Variants in AFF1 observed in about 807,000 individuals in gnomAD.
AFF1 encodes ALF transcription elongation factor 1.
A neutral mutation model predicts 121.7 loss-of-function variants in AFF1; 48 were observed. That is an observed-to-expected ratio of 0.39 (90% CI 0.31 to 0.50). The LOEUF is 0.50. Among genes scored for constraint, AFF1 ranks in the 20% least tolerant of loss-of-function variants. The probability of loss-of-function intolerance (pLI) is 0.76; values close to 1 mark genes in which losing one functional copy is unlikely to be tolerated. For synonymous variants in AFF1, 613 were observed against 563.0 expected (o/e 1.09, Z -1.26); for missense variants, 1,523 against 1,511.7 (o/e 1.01, Z -0.12).
chr4:87,016,566 A>AT, intron 2 of AFF1, among the ~76,000 whole-genome samples: 1 of 151,668 alleles, frequency 6.6e-6, no homozygotes, highest in South Asian at 2.1e-4. Context: ...AAAAAAAAAA[A>AT]GTGATTTTAT....
Position 87,020,707 on chromosome 4 carries a change from G to C in AFF1, c.39-25459G>C, listed in dbSNP as rs377695793. 3.8e-5 allele frequency: 27 copies of C among 714,194 alleles called. No homozygotes were observed. In the East Asian group the frequency reaches 9.3e-4, roughly 25 times the overall value. The allele number at this position is 714,194 out of a possible 1,614,324, so 44.2% of individuals were successfully genotyped here. On this transcript the variant is annotated intron_variant, in intron 2 of 20. Transcript: ENST00000395146. ...CACTGTGTTAGCCAGGATGTTCTCA[G>C]TCTCCTGACCTCATGATCCGCCTGC...
chr4:87,002,495 G>A lies in AFF1; in HGVS notation c.39-43671G>A, dbSNP rs1012334352. On this transcript the variant is annotated intron_variant, in intron 2 of 20. Coordinates refer to ENST00000395146, the MANE Select transcript of AFF1 (RefSeq NM_001166693.3). ...TGCCCAGGCTGGAGTGCAGTGGTGC[G>A]ATCTCGGCTCACTGCAGTCTCTGCC... Among the ~76,000 whole-genome samples, 29 of 141,268 alleles carry A rather than the reference G, an allele frequency of 2.1e-4. No homozygotes were observed. In the Admixed American group the frequency reaches 2.1e-3, roughly 10 times the overall value. The allele number at this position is 141,268 out of a possible 152,430, so 92.7% of individuals were successfully genotyped here.
intron 2 of AFF1, among the ~76,000 whole-genome samples, chr4:86,991,424 G>T (rs1031694293): frequency 6.9e-6 from 1 of 145,372 alleles, no homozygotes; most frequent in African/African-American, 2.5e-5. Flanking sequence ...CAGCCTGGGC[G>T]ACAGAGTGAG....
chr4:87,061,708 CTGTT>C (rs1720806355), intron 4 of AFF1, among the ~76,000 whole-genome samples: 1 of 152,174 alleles, frequency 6.6e-6, no homozygotes, highest in Non-Finnish European at 1.5e-5. Context: ...ATCCCTGTAA[CTGTT>C]AATGTTCTCT....
At chr4:87,008,293 T>A in intron 2 of AFF1, among the ~76,000 whole-genome samples, 1 of 152,302 alleles carries the variant, frequency 6.6e-6, no homozygotes, top group Non-Finnish European at 1.5e-5. Flanking sequence ...AACAGTGATT[T>A]TGGGAGGTCT....
At position 87,046,226 on chromosome 4, in the gene AFF1, A is replaced by G. The variant is rs1350858576; in HGVS notation, c.99A>G (p.Glu33=). Residue 33 remains glutamate (E), a synonymous_variant, in exon 3 of 21, where the codon GAA becomes GAG. Transcript: ENST00000395146. ...RIREKERRNQ[E]AHQEKEAFPE... ...GAGAGAAGGAAAGACGCAACCAGGAAGCCCACCAAGAGAAAGAGGCATTTC... is the reference window on the plus strand; with the variant it reads ...GAGAGAAGGAAAGACGCAACCAGGAGGCCCACCAAGAGAAAGAGGCATTTC... The G allele has an allele frequency of 6.2e-7, 1 of 1,614,100 alleles. No individual in the cohort carries two copies. The highest frequency in any genetic ancestry group is 2.2e-5 in the East Asian group (1 of 44,880).
At chr4:87,116,058 A>G (rs984376952) in intron 12 of AFF1, among the ~76,000 whole-genome samples, 2 of 152,194 alleles carry the variant, frequency 1.3e-5, no homozygotes, top group African/African-American at 2.4e-5. Flanking sequence ...TTTTACTCTC[A>G]TAGTAGGATC....
chr4:86,963,629 T>A (rs1290890932), intron 2 of AFF1, among the ~76,000 whole-genome samples: 1 of 152,188 alleles, frequency 6.6e-6, no homozygotes, highest in African/African-American at 2.4e-5. Context: ...GGCAGATAGT[T>A]CCATTTGAAG....
At chr4:87,099,077 A>G (rs915825602) in intron 8 of AFF1, among the ~76,000 whole-genome samples, 6 of 152,370 alleles carry the variant, frequency 3.9e-5, no homozygotes, top group Non-Finnish European at 5.9e-5. Flanking sequence ...TACTTGTAGC[A>G]TATTTAAATC....
At chr4:86,967,359 G>A (rs1722608377) in intron 2 of AFF1, among the ~76,000 whole-genome samples, 1 of 152,194 alleles carries the variant, frequency 6.6e-6, no homozygotes, top group Non-Finnish European at 1.5e-5. Flanking sequence ...GCCCTTTTGA[G>A]GAACTGAATG....
intron 1 of AFF1, among the ~76,000 whole-genome samples, chr4:86,943,595 C>G (rs769369854): frequency 1.3e-5 from 2 of 152,098 alleles, no homozygotes; most frequent in African/African-American, 4.8e-5. Flanking sequence ...TGGGCTCAGT[C>G]GCTCACACCT....
intron 18 of AFF1, 74 bp from the exon 19 acceptor site, chr4:87,132,197 C>A: frequency 6.5e-7 from 1 of 1,548,542 alleles, no homozygotes; most frequent in Non-Finnish European, 8.7e-7. Flanking sequence ...GTTCATTAGG[C>A]TATAAAAGGT....
chr4:87,084,775 C>T (rs970209664), intron 5 of AFF1, among the ~76,000 whole-genome samples: 1 of 152,074 alleles, frequency 6.6e-6, no homozygotes, highest in Non-Finnish European at 1.5e-5. Flanking sequence ...GACATTTGGA[C>T]CAGATTTTTA....
rs186420813 is a variant in AFF1 at position 87,015,025 on chromosome 4, A to G, written c.39-31141A>G. ...GCTTTGATAAAAGTTTGAGTCCATG[A>G]TATTATGGTTTAAGAAAATTTTTCC... On this transcript the variant is annotated intron_variant, in intron 2 of 20. Transcript: ENST00000395146. Among the ~76,000 whole-genome samples the G allele has an allele frequency of 2.4e-3, 367 of 152,304 alleles. 1 individual carries two copies. The highest frequency in any genetic ancestry group is 4.4e-3 in the Non-Finnish European group (298 of 68,032).
chr4:86,950,838 G>A (rs114509803), intron 2 of AFF1, among the ~76,000 whole-genome samples: 271 of 152,288 alleles, frequency 1.8e-3, no homozygotes, highest in African/African-American at 6.2e-3. Context: ...TTACACATAC[G>A]TTTTACATTT....
At chr4:87,129,224 T>C (rs576608549) in intron 16 of AFF1, among the ~76,000 whole-genome samples, 18 of 152,206 alleles carry the variant, frequency 1.2e-4, no homozygotes, top group Non-Finnish European at 1.0e-4. Context: ...CACTCCATAA[T>C]ATTCTCCCTT....
intron 19 of AFF1, among the ~76,000 whole-genome samples, chr4:87,133,717 C>A (rs1416865147): frequency 6.6e-6 from 1 of 152,186 alleles, no homozygotes; most frequent in Admixed American, 6.5e-5. Context: ...GCAGCCCAAA[C>A]GGCAGGTGTA....
intron 1 of AFF1, among the ~76,000 whole-genome samples, chr4:86,946,897 A>G (rs1260281764): frequency 2.0e-5 from 3 of 152,084 alleles, no homozygotes; most frequent in Admixed American, 6.5e-5. Flanking sequence ...GAGCATCTTC[A>G]CTGGGAGGGT....
At chr4:87,066,829 C>T (rs1721400942) in intron 4 of AFF1, among the ~76,000 whole-genome samples, 1 of 152,188 alleles carries the variant, frequency 6.6e-6, no homozygotes, top group South Asian at 2.1e-4. Context: ...GCCCTGGCTC[C>T]TTTCATCCTC....
Sources: gnomAD v4.1 joint callset for allele counts (sites outside exome capture counted in the v4.1 genomes callset) on GRCh38, gnomAD v4.1.1 for gene constraint, MANE v1.5 for transcripts, NCBI Gene and HGNC (gene_info 2026-07-23, HGNC 2026-07-21) for gene names.